CHRM3: variants seen among roughly 807,000 people sequenced by gnomAD.
CHRM3 encodes cholinergic receptor muscarinic 3, also known as muscarinic acetylcholine receptor M3.
CHRM3 carries 11 observed loss-of-function variants against 41.8 expected under a neutral mutation model. The observed-to-expected ratio is 0.26, with a 90% CI of 0.17 to 0.44. CHRM3 has a LOEUF of 0.44. CHRM3 is among the 20% of genes least tolerant of loss of function. The probability of loss-of-function intolerance (pLI) is 1.00; values close to 1 mark genes in which losing one functional copy is unlikely to be tolerated. For synonymous variants in CHRM3, 297 were observed against 301.4 expected (o/e 0.99, Z 0.15); for missense variants, 571 against 745.4 (o/e 0.77, Z 2.72).
rs551133927 is a variant in CHRM3 at position 239,527,789 on chromosome 1, A to G, written c.-421-17852A>G. 4.6e-4 allele frequency among the ~76,000 whole-genome samples: 70 copies of G among 152,350 alleles called. 1 individual carries two copies. In the Middle Eastern group the frequency reaches 0.01, roughly 22 times the overall value. ...AAAAATAAAGATAATCAAAGAACTT[A>G]TCTCAGAGGCTTATGAGAATTAGAG... On this transcript the variant is annotated intron_variant, in intron 2 of 6. Transcript: ENST00000676153.
intron 5 of CHRM3, among the ~76,000 whole-genome samples, chr1:239,731,963 G>A (rs148030650): frequency 2.6e-5 from 4 of 152,066 alleles, no homozygotes; most frequent in East Asian, 1.9e-4. Context: ...GAGAGTAAAT[G>A]TAAACAATTA....
intron 5 of CHRM3, among the ~76,000 whole-genome samples, chr1:239,682,705 C>T (rs74225143): frequency 0.042 from 6,408 of 151,368 alleles, 177 homozygotes; most frequent in East Asian, 0.077. Flanking sequence ...AACATGGACA[C>T]TTGGTAATTT....
chr1:239,906,635 T>C (rs1679985311), intron 6 of CHRM3, among the ~76,000 whole-genome samples: 1 of 152,206 alleles, frequency 6.6e-6, no homozygotes, highest in Non-Finnish European at 1.5e-5. Flanking sequence ...AGTTTTGCAG[T>C]TTTTATATGC....
intron 1 of CHRM3, among the ~76,000 whole-genome samples, chr1:239,455,484 G>A (rs1197387904): frequency 1.3e-5 from 2 of 152,042 alleles, no homozygotes; most frequent in African/African-American, 4.8e-5. Flanking sequence ...AGGCCTTCCA[G>A]TGAAACAAGA....
intron 6 of CHRM3, among the ~76,000 whole-genome samples, chr1:239,859,413 G>GTTTTTTTTTTTTTTT (rs1331316835): frequency 3.5e-5 from 4 of 113,258 alleles, no homozygotes; most frequent in Non-Finnish European, 3.7e-5. Flanking sequence ...TGTTGTTGTT[G>GTTTTTTTTTTTTTTT]TTGTTGTTTT....
chr1:239,589,919 A>G (rs1050507961), intron 3 of CHRM3, among the ~76,000 whole-genome samples: 2 of 152,140 alleles, frequency 1.3e-5, no homozygotes, highest in African/African-American at 2.4e-5. Context: ...TTTAAATGCC[A>G]TAAAATGCCT....
chr1:239,771,074 C>G (rs995639021), intron 5 of CHRM3, among the ~76,000 whole-genome samples: 2 of 150,714 alleles, frequency 1.3e-5, no homozygotes, highest in African/African-American at 2.5e-5. Flanking sequence ...GGCAACACAG[C>G]CAGACTCCAT....
chr1:239,598,343 C>T (rs1211606445), intron 3 of CHRM3, among the ~76,000 whole-genome samples: 1 of 151,980 alleles, frequency 6.6e-6, no homozygotes, highest in Admixed American at 6.6e-5. Flanking sequence ...TAGAATGTTC[C>T]CTGAGATGAA....
At chr1:239,442,746 A>C (rs768989688) in intron 1 of CHRM3, among the ~76,000 whole-genome samples, 1 of 152,214 alleles carries the variant, frequency 6.6e-6, no homozygotes, top group Non-Finnish European at 1.5e-5. Context: ...AGTGGCAGAT[A>C]CTCAAGCATT....
chr1:239,389,002 G>A (rs1157852230), intron 1 of CHRM3, among the ~76,000 whole-genome samples: 1 of 152,180 alleles, frequency 6.6e-6, no homozygotes, highest in African/African-American at 2.4e-5. Context: ...GATTTAGAAT[G>A]TTTCTCTAGG....
intron 5 of CHRM3, among the ~76,000 whole-genome samples, chr1:239,745,131 G>A (rs1054789439): frequency 2.0e-5 from 3 of 152,156 alleles, no homozygotes; most frequent in Non-Finnish European, 4.4e-5. Flanking sequence ...ACGTCTTTCT[G>A]TGACATGCTA....
chr1:239,408,601 G>A (rs1660825710), intron 1 of CHRM3, among the ~76,000 whole-genome samples: 3 of 151,322 alleles, frequency 2.0e-5, no homozygotes, highest in East Asian at 3.9e-4. Flanking sequence ...GCGTGAGAAC[G>A]GACTAATACA....
chr1:239,714,614 G>T (rs1022367653), intron 5 of CHRM3, among the ~76,000 whole-genome samples: 2 of 152,110 alleles, frequency 1.3e-5, no homozygotes, highest in African/African-American at 4.8e-5. Context: ...GGAAGGGAAA[G>T]CCTAGTGGAA....
intron 3 of CHRM3, among the ~76,000 whole-genome samples, chr1:239,617,137 C>T (rs765730916): frequency 6.6e-6 from 1 of 152,168 alleles, no homozygotes; most frequent in Non-Finnish European, 1.5e-5. Context: ...CAGAATATAA[C>T]TGCCTTTAGA....
rs184707397 is a variant in CHRM3, at chr1:239,797,165, A to T, written c.-146-30087A>T. Among the ~76,000 whole-genome samples, 7 of 152,326 alleles carry T rather than the reference A, an allele frequency of 4.6e-5. No individual in the cohort carries two copies. The East Asian group carries it at 1.3e-3, about 29-fold the overall frequency. ...AGCTAAACATTGTGTACTCATGGAC[A>T]TAAAGATGAGAACAATAGACACTGA... On this transcript the variant is annotated intron_variant, in intron 5 of 6. Coordinates refer to ENST00000676153, the MANE Select transcript of CHRM3 (RefSeq NM_001375978.1).
chr1:239,412,495 CCA>C (rs1661179752), intron 1 of CHRM3, among the ~76,000 whole-genome samples: 1 of 149,076 alleles, frequency 6.7e-6, no homozygotes, highest in Non-Finnish European at 1.5e-5. Flanking sequence ...TCCCTTTTCT[CCA>C]GAGTTCCTCA....
chr1:239,522,688 A>C (rs12139555), intron 2 of CHRM3, among the ~76,000 whole-genome samples: 184 of 152,282 alleles, frequency 1.2e-3, no homozygotes, highest in Non-Finnish European at 1.9e-3. Context: ...GATGTTGTTC[A>C]GGCAGATGCG....
At chr1:239,611,034 A>AGT (rs1218594368) in intron 3 of CHRM3, among the ~76,000 whole-genome samples, 8 of 152,166 alleles carry the variant, frequency 5.3e-5, no homozygotes, top group African/African-American at 1.9e-4. Context: ...TTGGTGACAG[A>AGT]GCAAGACTCA....
At chr1:239,522,055 G>A (rs1406804006) in intron 2 of CHRM3, among the ~76,000 whole-genome samples, 2 of 151,118 alleles carry the variant, frequency 1.3e-5, no homozygotes, top group Non-Finnish European at 2.9e-5. Flanking sequence ...TTGCCATAGT[G>A]CTCTTCTTAC....
Sources: gnomAD v4.1 joint callset for allele counts (sites outside exome capture counted in the v4.1 genomes callset) on GRCh38, gnomAD v4.1.1 for gene constraint, MANE v1.5 for transcripts, NCBI Gene and HGNC (gene_info 2026-07-23, HGNC 2026-07-21) for gene names.